DUSP16: variants seen among roughly 807,000 people sequenced by gnomAD.
DUSP16 encodes the protein dual specificity phosphatase 16, also known as dual specificity protein phosphatase 16.
In DUSP16, 21 loss-of-function variants were observed where a neutral mutation model predicts 58.3. The ratio of observed to expected loss-of-function variants is 0.36; its 90% CI spans 0.26 to 0.52. DUSP16 has a LOEUF of 0.52. Among genes scored for constraint, DUSP16 ranks in the 20% least tolerant of loss-of-function variants. The pLI is 0.94. For missense variants in DUSP16, 726 were observed against 819.0 expected (o/e 0.89, Z 1.39); for synonymous variants, 320 against 323.8 (o/e 0.99, Z 0.12).
chr12:12,490,672 A>G (rs941146831), intron 4 of DUSP16, among the ~76,000 whole-genome samples: 4 of 152,196 alleles, frequency 2.6e-5, no homozygotes, highest in Non-Finnish European at 5.9e-5. Context: ...ATCACACCTA[A>G]GTGCATCTAC....
intron 1 of DUSP16, chr12:12,554,531 C>T (rs1450242917): frequency 6.6e-6 from 1 of 152,142 alleles, no homozygotes; most frequent in Non-Finnish European, 1.5e-5. Context: ...CAAACTCCAA[C>T]TTACCCATTA....
At chr12:12,557,547 T>A (rs902646686) in intron 1 of DUSP16, among the ~76,000 whole-genome samples, 18 of 152,180 alleles carry the variant, frequency 1.2e-4, no homozygotes, top group Non-Finnish European at 1.6e-4. Context: ...TTTCTTTTTT[T>A]AAAAACTGGT....
rs902147483 is a variant in DUSP16, at chr12:12,523,259, T to C, written c.-365-1796A>G. ...TTCAAATTTGGTCTGAGAACAAAAT[T>C]ATCTAATTTATTGAAAGCTGGTAAA... On this transcript the variant is annotated intron_variant, in intron 1 of 6. Transcript: ENST00000298573. Among the ~76,000 whole-genome samples, 3 of 152,218 alleles carry C rather than the reference T, an allele frequency of 2.0e-5. No individual in the cohort carries two copies. The East Asian group carries it at 5.8e-4, about 29-fold the overall frequency.
chr12:12,541,286 T>G (rs527614535), intron 1 of DUSP16, among the ~76,000 whole-genome samples: 1 of 152,144 alleles, frequency 6.6e-6, no homozygotes, highest in South Asian at 2.1e-4. Flanking sequence ...GTGGCACTGA[T>G]TTTAGAGGGA....
Position 12,477,528 on chromosome 12 carries a change from T to C in DUSP16, c.1303A>G (p.Thr435Ala), listed in dbSNP as rs1943473816. 1.9e-6 allele frequency: 3 copies of C among 1,605,496 alleles called. No individual in the cohort carries two copies. Among genetic ancestry groups the C allele is most frequent in the Non-Finnish European group, 2.6e-6 (3 of 1,174,756 alleles). ...DALEYYKPST[T>A]LDGTNKLCQF... ...CATAGCTTGTTGGTCCCATCCAGAG[T>C]AGTGGAAGGTTTGTAGTATTCCAAA... Residue 435 changes from threonine to alanine, a missense_variant, in exon 7 of 7, where the codon ACT (threonine) becomes GCT (alanine). Thr to Ala is a moderately conservative substitution (Grantham distance 58). Transcript: ENST00000298573. The surrounding 1 kb of genome is among the most constrained non-coding windows in gnomAD (Gnocchi z 4.1).
chr12:12,529,786 T>A (rs192893602), intron 1 of DUSP16, among the ~76,000 whole-genome samples: 45 of 152,354 alleles, frequency 3.0e-4, no homozygotes, highest in Non-Finnish European at 3.8e-4. Context: ...TTACACAGTA[T>A]TTGTCTTCCT....
intron 1 of DUSP16, among the ~76,000 whole-genome samples, chr12:12,538,343 A>G (rs971000517): frequency 6.6e-6 from 1 of 152,236 alleles, no homozygotes; most frequent in African/African-American, 2.4e-5. Context: ...ATGTCACGTC[A>G]TTAAAGAAAG....
In DUSP16 at chr12:12,562,862, C is replaced by A. The variant is rs1944928545; in HGVS notation, c.-1111G>T. ...TGTTCCCTTCCAGAGTCCGGCGACT[C>A]TGAGGCAGGTTCCGCGGGCGCCGCT... is the stretch of plus-strand genomic sequence containing the variant. On this transcript the variant is annotated 5_prime_UTR_variant, in exon 1 of 7. Coordinates refer to ENST00000298573, the MANE Select transcript of DUSP16 (RefSeq NM_030640.3). 6.6e-6 allele frequency among the ~76,000 whole-genome samples: 1 copy of A among 151,902 alleles called. No individual in the cohort carries two copies.
intron 1 of DUSP16, among the ~76,000 whole-genome samples, chr12:12,540,589 T>C (rs756542070): frequency 4.6e-5 from 7 of 152,212 alleles, no homozygotes; most frequent in Non-Finnish European, 1.0e-4. Context: ...AAGATATCTA[T>C]AAGGCTCCGT....
chr12:12,476,770 CA>C lies in DUSP16; in HGVS notation c.*62del. On this transcript the variant is annotated 3_prime_UTR_variant, in exon 7 of 7. Transcript: ENST00000298573. Reference sequence around the variant, plus strand: ...TGTACATATATATATTTCAGATTTACAGGGAATTTTTTTGTGAACAAGAAAA... The same window carrying C: ...TGTACATATATATATTTCAGATTTACGGGAATTTTTTTGTGAACAAGAAAA... The C allele has an allele frequency of 6.9e-7, 1 of 1,447,514 alleles. No homozygotes were observed. The highest frequency in any genetic ancestry group is 9.2e-7 in the Non-Finnish European group (1 of 1,081,564). 89.7% of individuals were successfully genotyped at this position (1,447,514 alleles called of 1,614,324 possible). A position where few individuals can be genotyped will look rare whatever the true frequency, so the allele number is the denominator to read the frequency against.
At chr12:12,488,428 T>G (rs1338913279) in intron 4 of DUSP16, among the ~76,000 whole-genome samples, 5 of 152,304 alleles carry the variant, frequency 3.3e-5, no homozygotes, top group Middle Eastern at 6.8e-3. Context: ...ATGAGTAAGA[T>G]CTTGGACCGC....
chr12:12,505,714 T>C (rs1044489088), intron 3 of DUSP16, among the ~76,000 whole-genome samples: 2 of 152,162 alleles, frequency 1.3e-5, no homozygotes, highest in Admixed American at 1.3e-4. Context: ...TAAGTGTGGC[T>C]CTAGAAAGTT....
intron 3 of DUSP16, among the ~76,000 whole-genome samples, chr12:12,503,832 T>C (rs777190864): frequency 3.3e-5 from 5 of 152,200 alleles, no homozygotes; most frequent in Non-Finnish European, 5.9e-5. Context: ...CAAACTTATC[T>C]GACCATGGAA....
At chr12:12,485,887 G>A (rs931297521) in intron 5 of DUSP16, among the ~76,000 whole-genome samples, 3 of 144,336 alleles carry the variant, frequency 2.1e-5, no homozygotes, top group Non-Finnish European at 4.5e-5. Context: ...TCTGCCTCCC[G>A]GGTTCATGCC....
At chr12:12,515,380 T>C (rs1349685121) in intron 3 of DUSP16, among the ~76,000 whole-genome samples, 1 of 151,548 alleles carries the variant, frequency 6.6e-6, no homozygotes, top group Non-Finnish European at 1.5e-5. Flanking sequence ...CAGGCTGAAG[T>C]GCAATGGTGC....
Position 12,475,795 on chromosome 12 carries a change from T to TA in DUSP16, c.*1037dup, listed in dbSNP as rs1432510038. ...CCATATTATTACATTTTACCAACTGTATCCATGCAGTGAAGCAGAAAGGGC... is the reference window on the plus strand; with the variant it reads ...CCATATTATTACATTTTACCAACTGTAATCCATGCAGTGAAGCAGAAAGGGC... On this transcript the variant is annotated 3_prime_UTR_variant, in exon 7 of 7. Coordinates refer to ENST00000298573, the MANE Select transcript of DUSP16 (RefSeq NM_030640.3). 6.6e-6 allele frequency: 1 copy of TA among 152,230 alleles called. No individual in the cohort carries two copies. The highest frequency in any genetic ancestry group is 2.4e-5 in the African/African-American group (1 of 41,456). The allele number at this position is 152,230 out of a possible 1,614,324, so 9.4% of individuals were successfully genotyped here. A position where few individuals can be genotyped will look rare whatever the true frequency, so the allele number is the denominator to read the frequency against.
intron 4 of DUSP16, among the ~76,000 whole-genome samples, chr12:12,500,108 C>T (rs1943888411): frequency 6.6e-6 from 1 of 152,050 alleles, no homozygotes; most frequent in African/African-American, 2.4e-5. Context: ...GAGGACCTTC[C>T]TCAATCCAAG....
chr12:12,487,429 TATAGTC>T (rs1383308790), intron 4 of DUSP16, among the ~76,000 whole-genome samples: 4 of 152,274 alleles, frequency 2.6e-5, no homozygotes, highest in Admixed American at 1.3e-4. Flanking sequence ...ACATCATTCA[TATAGTC>T]AAGTCTCTAT....
chr12:12,505,295 C>A (rs1275322544), intron 3 of DUSP16, among the ~76,000 whole-genome samples: 3 of 152,198 alleles, frequency 2.0e-5, no homozygotes, highest in African/African-American at 2.4e-5. Context: ...CTGGCCTCCC[C>A]AGCTGTGACC....
Sources: allele counts gnomAD v4.1 joint callset (sites outside exome capture counted in the v4.1 genomes callset), GRCh38; gene constraint gnomAD v4.1.1; non-coding constraint Gnocchi (gnomAD v3.1); transcripts MANE v1.5; gene names NCBI Gene and HGNC (gene_info 2026-07-23, HGNC 2026-07-21).